Variants in GRIP1 observed in about 807,000 individuals in gnomAD.
GRIP1 encodes the protein glutamate receptor interacting protein 1, also known as glutamate receptor-interacting protein 1.
A neutral mutation model predicts 129.9 loss-of-function variants in GRIP1; 45 were observed. That is an observed-to-expected ratio of 0.35 (90% CI 0.27 to 0.44). The LOEUF (loss-of-function observed/expected upper bound fraction) is 0.44. Ranked by LOEUF, GRIP1 falls within the 20% of genes least tolerant of loss-of-function variation. The pLI, the probability that GRIP1 is intolerant of heterozygous loss-of-function variation, is 1.00. For synonymous variants in GRIP1, 530 were observed against 520.8 expected, an observed-to-expected ratio of 1.02 and a Z score of -0.24; for missense variants, 1,196 against 1,396.8, an observed-to-expected ratio of 0.86 and a Z score of 2.29.
chr12:66,438,188 C>T (rs952640693), intron 13 of GRIP1, among the ~76,000 whole-genome samples: 2 of 152,216 alleles, frequency 1.3e-5, no homozygotes, highest in Admixed American at 1.3e-4. Context: ...CTTCCGTGGT[C>T]ACAGCTGACT....
At chr12:67,052,645 A>C (rs1357831072) in intron 1 of GRIP1, among the ~76,000 whole-genome samples, 4 of 152,058 alleles carry the variant, frequency 2.6e-5, no homozygotes, top group Admixed American at 1.3e-4. Context: ...CTGTAGTCCC[A>C]GCTACTCAGG....
At chr12:66,477,333 A>AGTTTGTAGT (rs2059648649) in intron 7 of GRIP1, among the ~76,000 whole-genome samples, 1 of 151,988 alleles carries the variant, frequency 6.6e-6, no homozygotes, top group Non-Finnish European at 1.5e-5. Context: ...GATATGAAGG[A>AGTTTGTAGT]CCTCTTCAAG....
intron 1 of GRIP1, among the ~76,000 whole-genome samples, chr12:66,827,112 A>G (rs556525540): frequency 6.6e-6 from 1 of 152,246 alleles, no homozygotes; most frequent in East Asian, 1.9e-4. Flanking sequence ...GTGGCTTACA[A>G]CTATACACAT....
At chr12:66,808,330 C>T (rs2039036453), upstream of GRIP1, among the ~76,000 whole-genome samples, 1 of 152,130 alleles carries the variant, frequency 6.6e-6, no homozygotes, top group African/African-American at 2.4e-5. Flanking sequence ...CAGACTCTAG[C>T]TCGGTCACCC....
chr12:66,602,948 T>A (rs2064347093), intron 1 of GRIP1, among the ~76,000 whole-genome samples: 2 of 135,410 alleles, frequency 1.5e-5, no homozygotes, highest in African/African-American at 5.4e-5. Flanking sequence ...AGCCTCAAAC[T>A]CCTGAGCTCA....
intron 1 of GRIP1, among the ~76,000 whole-genome samples, chr12:66,770,570 C>T (rs2037786048): frequency 6.6e-6 from 1 of 152,096 alleles, no homozygotes; most frequent in Non-Finnish European, 1.5e-5. Flanking sequence ...CCTGGAGAAG[C>T]TGGGGCAAGC....
intron 1 of GRIP1, among the ~76,000 whole-genome samples, chr12:66,929,687 A>T (rs1250558794): frequency 6.6e-6 from 1 of 152,184 alleles, no homozygotes; most frequent in African/African-American, 2.4e-5. Flanking sequence ...CTGAAATCTT[A>T]TGTCTACCAA....
chr12:66,550,115 A>G (rs1312310728), intron 2 of GRIP1, among the ~76,000 whole-genome samples: 1 of 152,206 alleles, frequency 6.6e-6, no homozygotes, highest in Non-Finnish European at 1.5e-5. Context: ...TCCAATTTCT[A>G]CTGCTCCCAA....
At chr12:67,028,073 C>G (rs1019942470) in intron 1 of GRIP1, among the ~76,000 whole-genome samples, 35 of 152,262 alleles carry the variant, frequency 2.3e-4, no homozygotes, top group African/African-American at 7.9e-4. Flanking sequence ...CTCTGGTCAC[C>G]TGGATATTTT....
chr12:66,565,732 C>T (rs1242590666), intron 2 of GRIP1, among the ~76,000 whole-genome samples: 14 of 152,164 alleles, frequency 9.2e-5, no homozygotes, highest in African/African-American at 2.6e-4. Context: ...GCCATTTTCA[C>T]GATATTGATT....
Position 66,711,922 on chromosome 12 carries a change from C to G in GRIP1, c.-419-81586G>C, listed in dbSNP as rs191236982. Reference sequence around the variant, plus strand: ...CATTTAGTTGGTACGAAAAGAATCTCAAATGATTTAGGACTTTCATCATTA... The same window carrying G: ...CATTTAGTTGGTACGAAAAGAATCTGAAATGATTTAGGACTTTCATCATTA... On this transcript the variant is annotated intron_variant, in intron 1 of 4. Coordinates refer to the GRIP1 transcript ENST00000538373. 5.5e-4 allele frequency among the ~76,000 whole-genome samples: 83 copies of G among 151,928 alleles called. 2 individuals are homozygous for G. Among genetic ancestry groups the G allele is most frequent in the Admixed American group, 5.4e-3 (82 of 15,212 alleles).
At chr12:66,762,576 T>C (rs999479959) in intron 1 of GRIP1, among the ~76,000 whole-genome samples, 4 of 152,218 alleles carry the variant, frequency 2.6e-5, no homozygotes, top group Non-Finnish European at 5.9e-5. Flanking sequence ...AATTTGTGGC[T>C]AAACATCTGC....
chr12:66,403,698 G>A (rs1394495190), intron 16 of GRIP1, among the ~76,000 whole-genome samples: 1 of 152,098 alleles, frequency 6.6e-6, no homozygotes, highest in Non-Finnish European at 1.5e-5. Flanking sequence ...TAAAAACAGA[G>A]CCTCTTAAAA....
chr12:66,544,553 T>G (rs761623604), intron 2 of GRIP1, among the ~76,000 whole-genome samples: 5 of 152,204 alleles, frequency 3.3e-5, no homozygotes, highest in Non-Finnish European at 7.3e-5. Context: ...GCCAATCTGC[T>G]GTACTTATCG....
chr12:66,827,035 G>A lies in GRIP1; in HGVS notation c.59-230108C>T, dbSNP rs2039426281. 3.9e-5 allele frequency among the ~76,000 whole-genome samples: 6 copies of A among 152,114 alleles called. No individual in the cohort carries two copies. In the South Asian group the frequency reaches 1.2e-3, roughly 32 times the overall value. ...TTCTTCCTTGAAGTCAACTTTTGGAGGTAGAAAGAAAAATTCAAATCATTG... is the reference window on the plus strand; with the variant it reads ...TTCTTCCTTGAAGTCAACTTTTGGAAGTAGAAAGAAAAATTCAAATCATTG... On this transcript the variant is annotated intron_variant, in intron 1 of 1. Coordinates refer to the GRIP1 transcript ENST00000643019.
intron 1 of GRIP1, among the ~76,000 whole-genome samples, chr12:66,666,537 T>C (rs897736819): frequency 6.6e-6 from 1 of 152,186 alleles, no homozygotes; most frequent in Non-Finnish European, 1.5e-5. Flanking sequence ...AATTTGTCAT[T>C]ATTAAGAAAT....
At position 66,406,431 on chromosome 12, in the gene GRIP1, G is replaced by A; in HGVS notation, c.1839-3C>T. 1 of 1,613,850 alleles carries A rather than the reference G, an allele frequency of 6.2e-7. No individual in the cohort carries two copies. Among genetic ancestry groups the A allele is most frequent in the Non-Finnish European group, 8.5e-7 (1 of 1,179,778 alleles). On this transcript the variant is annotated splice_region_variant and splice_polypyrimidine_tract_variant and intron_variant, in intron 15 of 24. Transcript: ENST00000359742. ...CCCCAAGTTCCAGGGTCCCAGTTCT[G>A]TTAGTGAATGCAAAGTAACACATGA...
chr12:66,368,917 C>T (rs2055310934), intron 23 of GRIP1, among the ~76,000 whole-genome samples: 1 of 152,180 alleles, frequency 6.6e-6, no homozygotes, highest in South Asian at 2.1e-4. Context: ...GATGGTCTAT[C>T]AGAGTAAGTG....
intron 1 of GRIP1, among the ~76,000 whole-genome samples, chr12:66,699,702 G>A (rs925167224): frequency 6.6e-6 from 1 of 152,156 alleles, no homozygotes. Context: ...TCAGGCAGAT[G>A]GCAAGCAAAA....
Sources: gnomAD v4.1 joint callset for allele counts (sites outside exome capture counted in the v4.1 genomes callset) on GRCh38, gnomAD v4.1.1 for gene constraint, MANE v1.5 for transcripts, NCBI Gene and HGNC (gene_info 2026-07-23, HGNC 2026-07-21) for gene names.